The following STRN variants were observed in gnomAD, a reference collection of about 807,000 sequenced individuals.
STRN encodes striatin.
STRN carries 53 observed loss-of-function variants against 96.3 expected under a neutral mutation model. The observed-to-expected ratio is 0.55, with a 90% CI of 0.44 to 0.69. STRN has a LOEUF of 0.69. Ranked by LOEUF, STRN falls within the 30% of genes least tolerant of loss-of-function variation. The pLI is 0.00. For missense variants in STRN, 987 were observed against 963.9 expected (o/e 1.02, Z -0.32); for synonymous variants, 428 against 355.9 (o/e 1.20, Z -2.28).
At chr2:36,939,488 CAAA>C (rs1487990861) in intron 1 of STRN, among the ~76,000 whole-genome samples, 2 of 152,092 alleles carry the variant, frequency 1.3e-5, no homozygotes, top group African/African-American at 2.4e-5. Flanking sequence ...AGGTAGGAAT[CAAA>C]AATAGATTCA....
intron 9 of STRN, among the ~76,000 whole-genome samples, chr2:36,878,518 TAA>T (rs1668975047): frequency 6.6e-6 from 1 of 152,158 alleles, no homozygotes; most frequent in African/African-American, 2.4e-5. Flanking sequence ...TGTGGCGTTA[TAA>T]GTCAGGATTA....
rs764370418 is a variant in STRN at position 36,861,138 on chromosome 2, A to C, written c.1663T>G (p.Ser555Ala). 1 of 1,613,884 alleles carries C rather than the reference A, an allele frequency of 6.2e-7. No homozygotes were observed. Among genetic ancestry groups the C allele is most frequent in the Non-Finnish European group, 8.5e-7 (1 of 1,179,930 alleles). ...TCTTTGGGAAATCACCTACCATAAG[A>C]ATCATAGGGGTCGATGTTGGGATTA... Reference protein sequence around the residue: ...TTNPNIDPYDSYDPSVLRGPL... With the variant: ...TTNPNIDPYDAYDPSVLRGPL... The change falls in exon 13 of 18, where the codon TCT becomes GCT. Residue 555 changes from serine (S) to alanine (A), a missense_variant. Ser to Ala is a moderately conservative substitution (Grantham distance 99, BLOSUM62 1). Transcript: ENST00000263918.
At chr2:36,881,595 C>A (rs1229343459) in intron 9 of STRN, among the ~76,000 whole-genome samples, 1 of 152,096 alleles carries the variant, frequency 6.6e-6, no homozygotes, top group Non-Finnish European at 1.5e-5. Context: ...TTCCAAAAAA[C>A]CTGCACTGAG....
chr2:36,883,215 G>C (rs1669120674), intron 9 of STRN, among the ~76,000 whole-genome samples: 1 of 152,168 alleles, frequency 6.6e-6, no homozygotes, highest in South Asian at 2.1e-4. Context: ...AGCACTTTGG[G>C]AGCCCAAGAT....
At position 36,845,358 on chromosome 2, in the gene STRN, T is replaced by C. The variant is rs1038095544; in HGVS notation, c.*4098A>G. ...AGCCTGAGAAAAGCACCAACATAGA[T>C]TTTTTTTTAATTGCATCCAACCATC... On this transcript the variant is annotated 3_prime_UTR_variant, in exon 18 of 18. Transcript: ENST00000263918. 7 of 142,396 alleles carry C rather than the reference T, an allele frequency of 4.9e-5. No homozygotes were observed. Among genetic ancestry groups the C allele is most frequent in the African/African-American group, 2.1e-4 (7 of 32,708 alleles). The allele number at this position is 142,396 out of a possible 1,614,324, so 8.8% of individuals were successfully genotyped here. A position where few individuals can be genotyped will look rare whatever the true frequency, so the allele number is the denominator to read the frequency against.
intron 13 of STRN, 30 bp from the exon 14 acceptor site, chr2:36,858,053 G>C (rs1668392207): frequency 1.3e-6 from 2 of 1,520,082 alleles, no homozygotes; most frequent in Middle Eastern, 1.7e-4. Flanking sequence ...TGCAAAATCA[G>C]GAGAAAAACA....
intron 1 of STRN, among the ~76,000 whole-genome samples, chr2:36,956,005 C>T (rs1178936891): frequency 6.6e-6 from 1 of 152,174 alleles, no homozygotes; most frequent in Non-Finnish European, 1.5e-5. Context: ...CACACGAGGT[C>T]AGGTATGGAT....
chr2:36,957,251 ACAT>A (rs1467080977), intron 1 of STRN, among the ~76,000 whole-genome samples: 1 of 152,160 alleles, frequency 6.6e-6, no homozygotes, highest in Non-Finnish European at 1.5e-5. Flanking sequence ...ACCAAAATTC[ACAT>A]CAGCTGGGTG....
chr2:36,854,856 A>G (rs1668305118), intron 15 of STRN, among the ~76,000 whole-genome samples: 1 of 152,220 alleles, frequency 6.6e-6, no homozygotes, highest in African/African-American at 2.4e-5. Context: ...CATACTATTA[A>G]TATAAAATTA....
At chr2:36,865,273 A>C (rs1004172814) in intron 12 of STRN, among the ~76,000 whole-genome samples, 10 of 152,234 alleles carry the variant, frequency 6.6e-5, no homozygotes, top group East Asian at 1.9e-4. Context: ...AGAGGTGTTC[A>C]TAACAGTTTC....
chr2:36,944,523 A>G (rs995404981), intron 1 of STRN, among the ~76,000 whole-genome samples: 11 of 152,222 alleles, frequency 7.2e-5, no homozygotes, highest in Non-Finnish European at 1.6e-4. Flanking sequence ...TAATGTTCCT[A>G]GTAGAAACAC....
rs1558629677 is a variant in STRN, at chr2:36,869,538, A to C, written c.1499+16T>G. On this transcript the variant is annotated intron_variant, in intron 11 of 17. Transcript: ENST00000263918. Reference sequence around the variant, plus strand: ...ACTTAAAATATTCAAATAATGTTAAAGTAGAATATTCTCACTTTTTGGCTG... The same window carrying C: ...ACTTAAAATATTCAAATAATGTTAACGTAGAATATTCTCACTTTTTGGCTG... 1 of 1,491,838 alleles carries C rather than the reference A, an allele frequency of 6.7e-7. No homozygotes were observed. Among genetic ancestry groups the C allele is most frequent in the Admixed American group, 2.3e-5 (1 of 43,932 alleles). The allele number at this position is 1,491,838 out of a possible 1,614,324, so 92.4% of individuals were successfully genotyped here.
chr2:36,953,732 C>T (rs1664815367), intron 1 of STRN, among the ~76,000 whole-genome samples: 1 of 152,158 alleles, frequency 6.6e-6, no homozygotes, highest in Non-Finnish European at 1.5e-5. Context: ...AGCATTAAGT[C>T]TACCAAGAAA....
rs1374393621 is a variant in STRN at position 36,855,344 on chromosome 2, T to C, written c.1846A>G (p.Ile616Val). The change falls in exon 15 of 18, where the codon ATC (isoleucine) becomes GTC (valine). Residue 616 changes from isoleucine to valine, a missense_variant. Physicochemically the swap from Ile to Val is conservative, Grantham distance 29. Transcript: ENST00000263918. ...SVFNDTKELG[I>V]PASVDLVSSD... ...CTCACTAGATCCACAGAGGCAGGGATTCCCAGTTCTGAAAGAGAACATATT... is the reference window on the plus strand; with the variant it reads ...CTCACTAGATCCACAGAGGCAGGGACTCCCAGTTCTGAAAGAGAACATATT... The C allele has an allele frequency of 1.2e-6, 2 of 1,613,062 alleles. No homozygotes were observed. The highest frequency in any genetic ancestry group is 2.2e-5 in the East Asian group (1 of 44,842).
Position 36,905,709 on chromosome 2 carries a change from G to C in STRN, c.413-91C>G. ...AATAACGTCCAATAAACATTTATAA[G>C]ATTAAGAATATGTAAAACTGCAACT... On this transcript the variant is annotated intron_variant, in intron 3 of 17. Transcript: ENST00000263918. The C allele has an allele frequency of 2.7e-6, 3 of 1,120,556 alleles. No individual in the cohort carries two copies. In the South Asian group the frequency reaches 3.8e-5, roughly 14 times the overall value. 69.4% of individuals were successfully genotyped at this position (1,120,556 alleles called of 1,614,324 possible).
intron 2 of STRN, among the ~76,000 whole-genome samples, chr2:36,919,141 T>C (rs1670182940): frequency 6.6e-6 from 1 of 152,196 alleles, no homozygotes; most frequent in African/African-American, 2.4e-5. Context: ...CAATGAACTA[T>C]TACTGAATTC....
At chr2:36,960,924 C>A (rs568791237) in intron 1 of STRN, among the ~76,000 whole-genome samples, 1 of 151,664 alleles carries the variant, frequency 6.6e-6, no homozygotes, top group Non-Finnish European at 1.5e-5. Context: ...TGAGACAGGG[C>A]CTCACTCTGG....
At chr2:36,868,665 A>C (rs1668688846) in intron 11 of STRN, among the ~76,000 whole-genome samples, 1 of 152,222 alleles carries the variant, frequency 6.6e-6, no homozygotes, top group Non-Finnish European at 1.5e-5. Flanking sequence ...TGGTTGAGCT[A>C]TCTGAAGCAG....
intron 1 of STRN, among the ~76,000 whole-genome samples, chr2:36,936,427 A>G (rs1670702980): frequency 6.6e-6 from 1 of 152,218 alleles, no homozygotes; most frequent in African/African-American, 2.4e-5. Context: ...TAAGAGAGAA[A>G]TTCATGCTTA....
Sources: gnomAD v4.1 joint callset for allele counts (sites outside exome capture counted in the v4.1 genomes callset) on GRCh38, gnomAD v4.1.1 for gene constraint, MANE v1.5 for transcripts, NCBI Gene and HGNC (gene_info 2026-07-23, HGNC 2026-07-21) for gene names.